The following MGMT variants were observed in gnomAD, a reference collection of about 807,000 sequenced individuals.
MGMT encodes O-6-methylguanine-DNA methyltransferase.
MGMT carries 14 observed loss-of-function variants against 15.9 expected under a neutral mutation model. That is an observed-to-expected ratio of 0.88 (90% CI 0.58 to 1.37). The LOEUF (loss-of-function observed/expected upper bound fraction) is 1.37. Among genes scored for constraint, MGMT ranks in the 40% most tolerant of loss-of-function variants. The probability of loss-of-function intolerance (pLI) is 0.00; values close to 1 mark genes in which losing one functional copy is unlikely to be tolerated. For synonymous variants in MGMT, 130 were observed against 118.2 expected, an observed-to-expected ratio of 1.10 and a Z score of -0.65; for missense variants, 282 against 268.1, an observed-to-expected ratio of 1.05 and a Z score of -0.36.
chr10:129,679,850 T>G (rs888456317), intron 2 of MGMT, among the ~76,000 whole-genome samples: 2 of 152,202 alleles, frequency 1.3e-5, no homozygotes, highest in Non-Finnish European at 2.9e-5. Flanking sequence ...ACACATCATT[T>G]TTATAGTTAT....
chr10:129,482,142 G>A (rs1028656052), intron 1 of MGMT, among the ~76,000 whole-genome samples: 1 of 152,126 alleles, frequency 6.6e-6, no homozygotes, highest in Non-Finnish European at 1.5e-5. Flanking sequence ...TTTCCTTGTG[G>A]TTTCTTCTTT....
At position 129,556,552 on chromosome 10, in the gene MGMT, G is replaced by T. The variant is rs772866238; in HGVS notation, c.125+20175G>T. On this transcript the variant is annotated intron_variant, in intron 2 of 4. Coordinates refer to ENST00000651593, the MANE Select transcript of MGMT (RefSeq NM_002412.5). The surrounding 1 kb of genome is among the most constrained non-coding windows in gnomAD (Gnocchi z 4.3). ...AGCCCTGGCGGAAGAACGCAGCCTCGTCGGTGGGTTTGGTGATGCTGTGCA... is the reference window on the plus strand; with the variant it reads ...AGCCCTGGCGGAAGAACGCAGCCTCTTCGGTGGGTTTGGTGATGCTGTGCA... 2.0e-5 allele frequency among the ~76,000 whole-genome samples: 3 copies of T among 152,184 alleles called. No homozygotes were observed. The highest frequency in any genetic ancestry group is 4.4e-5 in the Non-Finnish European group (3 of 68,038).
intron 2 of MGMT, among the ~76,000 whole-genome samples, chr10:129,641,535 T>C (rs1420507221): frequency 6.6e-6 from 1 of 152,230 alleles, no homozygotes; most frequent in African/African-American, 2.4e-5. Flanking sequence ...ATATAATTCC[T>C]TCAAGAATGG....
intron 2 of MGMT, among the ~76,000 whole-genome samples, chr10:129,553,165 T>C (rs955357242): frequency 2.0e-5 from 3 of 152,234 alleles, no homozygotes; most frequent in Admixed American, 1.3e-4. Flanking sequence ...AGTAGATCAT[T>C]TCTCAGTTTA....
chr10:129,483,183 A>G lies in MGMT; in HGVS notation c.-13+15887A>G, dbSNP rs1360526782. Among the ~76,000 whole-genome samples, 4 of 152,194 alleles carry G rather than the reference A, an allele frequency of 2.6e-5. No homozygotes were observed. In the East Asian group the frequency reaches 7.7e-4, roughly 29 times the overall value. ...CTTCACATGCAGAATAAGCACCTTA[A>G]CAAAAGTATGCTTCAATTTCTCTCA... is the stretch of plus-strand genomic sequence containing the variant. On this transcript the variant is annotated intron_variant, in intron 1 of 4. Coordinates refer to ENST00000651593, the MANE Select transcript of MGMT (RefSeq NM_002412.5).
At chr10:129,472,251 C>T (rs553484861) in intron 1 of MGMT, among the ~76,000 whole-genome samples, 1 of 152,208 alleles carries the variant, frequency 6.6e-6, no homozygotes, top group East Asian at 1.9e-4. Flanking sequence ...AGCTGGGTCC[C>T]CCTGGGCAAC....
At chr10:129,582,263 G>A (rs1846565617) in intron 2 of MGMT, among the ~76,000 whole-genome samples, 1 of 152,202 alleles carries the variant, frequency 6.6e-6, no homozygotes, top group African/African-American at 2.4e-5. Flanking sequence ...TCTACCAGGA[G>A]CCAAGGCTGT....
chr10:129,766,712 C>A, intron 4 of MGMT, 76 bp from the exon 5 acceptor site: 1 of 1,361,538 alleles, frequency 7.3e-7, no homozygotes, highest in South Asian at 1.4e-5. Flanking sequence ...TCCTGTCAGT[C>A]AGGGCCTTGG....
chr10:129,587,394 A>G (rs1290495654), intron 2 of MGMT, among the ~76,000 whole-genome samples: 4 of 147,138 alleles, frequency 2.7e-5, no homozygotes, highest in African/African-American at 1.0e-4. Flanking sequence ...TTCTTCTGCA[A>G]TGCCTAATAT....
At chr10:129,728,653 C>T (rs1212256776) in intron 3 of MGMT, among the ~76,000 whole-genome samples, 1 of 152,086 alleles carries the variant, frequency 6.6e-6, no homozygotes, top group African/African-American at 2.4e-5. Context: ...GCCATAGGCC[C>T]TCCCGCCACT....
At chr10:129,488,036 CACACAT>C (rs1410130377) in intron 1 of MGMT, among the ~76,000 whole-genome samples, 2 of 147,410 alleles carry the variant, frequency 1.4e-5, no homozygotes, top group African/African-American at 2.5e-5. Flanking sequence ...CACACACACA[CACACAT>C]GAATATACCT....
intron 2 of MGMT, among the ~76,000 whole-genome samples, chr10:129,564,888 C>T (rs1049630381): frequency 6.6e-5 from 10 of 152,034 alleles, no homozygotes; most frequent in South Asian, 2.1e-4. Context: ...CCCCTCCCAG[C>T]GCCCACCTAT....
chr10:129,719,081 T>C (rs939003217), intron 3 of MGMT, among the ~76,000 whole-genome samples: 2 of 151,776 alleles, frequency 1.3e-5, no homozygotes, highest in African/African-American at 4.8e-5. Context: ...CCAGAGCCGA[T>C]CTGTGTGCCC....
chr10:129,592,518 G>T (rs1305074110), intron 2 of MGMT, among the ~76,000 whole-genome samples: 2 of 152,206 alleles, frequency 1.3e-5, no homozygotes, highest in African/African-American at 2.4e-5. Context: ...TGCAGGCTAG[G>T]TGAATGGATT....
rs535214590 is a variant in MGMT, at chr10:129,699,616, T to C, written c.126-8279T>C. Among the ~76,000 whole-genome samples, 4 of 152,248 alleles carry C rather than the reference T, an allele frequency of 2.6e-5. No homozygotes were observed. The South Asian group carries it at 6.2e-4, about 24-fold the overall frequency. Reference sequence around the variant, plus strand: ...TAGGATCATAAACATAGGATTCATTTTGGGATGGGGTTGAAGGCATAAAAG... The same window carrying C: ...TAGGATCATAAACATAGGATTCATTCTGGGATGGGGTTGAAGGCATAAAAG... On this transcript the variant is annotated intron_variant, in intron 2 of 4. Coordinates refer to ENST00000651593, the MANE Select transcript of MGMT (RefSeq NM_002412.5).
At chr10:129,692,524 T>TA (rs1244739431) in intron 2 of MGMT, among the ~76,000 whole-genome samples, 2 of 152,146 alleles carry the variant, frequency 1.3e-5, no homozygotes, top group Non-Finnish European at 2.9e-5. Flanking sequence ...GCCAGTTTGG[T>TA]ATGTGGAGGC....
At chr10:129,661,669 G>C (rs1293680685) in intron 2 of MGMT, among the ~76,000 whole-genome samples, 1 of 152,026 alleles carries the variant, frequency 6.6e-6, no homozygotes, top group South Asian at 2.1e-4. Flanking sequence ...TAGCAGTTTA[G>C]TGGTGTCTTT....
At position 129,690,641 on chromosome 10, in the gene MGMT, C is replaced by T. The variant is rs76933633; in HGVS notation, c.126-17254C>T. ...GCAGGAGAGCTGGAAAGGTGCCAGCCGTGGGTGCCATGCACTTGTCTGAGG... is the reference window on the plus strand; with the variant it reads ...GCAGGAGAGCTGGAAAGGTGCCAGCTGTGGGTGCCATGCACTTGTCTGAGG... On this transcript the variant is annotated intron_variant, in intron 2 of 4. Coordinates refer to ENST00000651593, the MANE Select transcript of MGMT (RefSeq NM_002412.5). 1.1e-4 allele frequency among the ~76,000 whole-genome samples: 17 copies of T among 152,286 alleles called. No individual in the cohort carries two copies. The East Asian group carries it at 2.5e-3, about 22-fold the overall frequency.
At chr10:129,716,575 G>A (rs966786097) in intron 3 of MGMT, among the ~76,000 whole-genome samples, 2 of 152,164 alleles carry the variant, frequency 1.3e-5, no homozygotes, top group Non-Finnish European at 2.9e-5. Context: ...GACACGTCAG[G>A]ACTTACTGCT....
Sources: allele counts gnomAD v4.1 joint callset (sites outside exome capture counted in the v4.1 genomes callset), GRCh38; gene constraint gnomAD v4.1.1; non-coding constraint Gnocchi (gnomAD v3.1); transcripts MANE v1.5; gene names NCBI Gene and HGNC (gene_info 2026-07-23, HGNC 2026-07-21).